Variants in ATP10D observed in about 807,000 individuals in gnomAD.
ATP10D encodes ATPase phospholipid transporting 10D (putative), also known as phospholipid-transporting ATPase VD.
Under a neutral mutation model 144.8 loss-of-function variants are expected in ATP10D, and 89 were observed. The ratio of observed to expected loss-of-function variants is 0.61; its 90% CI spans 0.52 to 0.73. The LOEUF (loss-of-function observed/expected upper bound fraction) is 0.73. Ranked by LOEUF, ATP10D falls within the 30% of genes least tolerant of loss-of-function variation. The pLI is 0.00. For synonymous variants in ATP10D, 571 were observed against 615.1 expected (o/e 0.93, Z 1.06); for missense variants, 1,603 against 1,714.8 (o/e 0.93, Z 1.15).
At chr4:47,571,228 T>C (rs1719932068) in intron 16 of ATP10D, among the ~76,000 whole-genome samples, 1 of 150,740 alleles carries the variant, frequency 6.6e-6, no homozygotes, top group Non-Finnish European at 1.5e-5. Context: ...AACTCCTGGA[T>C]TTATAATTAT....
At chr4:47,572,644 CGTGT>C (rs72171059) in intron 17 of ATP10D, among the ~76,000 whole-genome samples, 2,098 of 145,260 alleles carry the variant, frequency 0.014, 19 homozygotes, top group Middle Eastern at 0.021. Context: ...TTTGTGCGCA[CGTGT>C]GTGTGTGTGT....
chr4:47,583,580 A>G (rs1720635527), intron 21 of ATP10D, among the ~76,000 whole-genome samples: 1 of 152,212 alleles, frequency 6.6e-6, no homozygotes, highest in African/African-American at 2.4e-5. Context: ...TAGAACTGAA[A>G]TATTTGGGAT....
At chr4:47,575,578 C>T (rs1020355801) in intron 18 of ATP10D, among the ~76,000 whole-genome samples, 3 of 152,198 alleles carry the variant, frequency 2.0e-5, no homozygotes, top group Non-Finnish European at 4.4e-5. Flanking sequence ...GACATTTGTG[C>T]TGTGCCTACT....
chr4:47,528,968 T>C (rs1487703420), intron 5 of ATP10D, among the ~76,000 whole-genome samples: 1 of 152,090 alleles, frequency 6.6e-6, no homozygotes, highest in Non-Finnish European at 1.5e-5. Context: ...TTGAGAAATG[T>C]CTGTTGATGT....
intron 21 of ATP10D, among the ~76,000 whole-genome samples, chr4:47,582,544 G>A (rs957384606): frequency 2.6e-5 from 4 of 152,158 alleles, no homozygotes; most frequent in African/African-American, 4.8e-5. Context: ...ATGGTGCAGT[G>A]ATGCTGTACT....
chr4:47,529,093 C>T (rs920626162), intron 5 of ATP10D, among the ~76,000 whole-genome samples: 2 of 152,132 alleles, frequency 1.3e-5, no homozygotes, highest in African/African-American at 2.4e-5. Flanking sequence ...TGTACATTGT[C>T]TGTTTACTCT....
intron 1 of ATP10D, among the ~76,000 whole-genome samples, chr4:47,489,230 A>G (rs965069756): frequency 1.3e-5 from 2 of 152,178 alleles, no homozygotes; most frequent in African/African-American, 4.8e-5. Flanking sequence ...AAATTACCAC[A>G]TTTTCACACA....
intron 15 of ATP10D, 80 bp downstream of exon 15, chr4:47,563,845 TA>T (rs71951443): frequency 0.17 from 205,321 of 1,175,104 alleles, 18,392 homozygotes; most frequent in East Asian, 0.49. Flanking sequence ...ATGCAAGGAT[TA>T]AAAAAAAAAC....
Position 47,591,541 on chromosome 4 carries a change from T to A in ATP10D, c.*160T>A. 1.7e-6 allele frequency: 1 copy of A among 573,496 alleles called. No individual in the cohort carries two copies. Among genetic ancestry groups the A allele is most frequent in the Non-Finnish European group, 3.0e-6 (1 of 337,522 alleles). The allele number at this position is 573,496 out of a possible 1,614,324, so 35.5% of individuals were successfully genotyped here. ...ATGAGCATTATTGTATGTTTGTATA[T>A]ACATTTGTGATAGAGGGCTAGAGTT... On this transcript the variant is annotated 3_prime_UTR_variant, in exon 23 of 23. Transcript: ENST00000273859.
chr4:47,586,290 A>C (rs1002643169), intron 21 of ATP10D, among the ~76,000 whole-genome samples: 20 of 152,250 alleles, frequency 1.3e-4, no homozygotes, highest in African/African-American at 4.6e-4. Flanking sequence ...ATTGCAAGAT[A>C]TACATGAATA....
intron 1 of ATP10D, among the ~76,000 whole-genome samples, chr4:47,496,981 A>G (rs887672061): frequency 2.6e-5 from 4 of 152,004 alleles, no homozygotes; most frequent in African/African-American, 4.8e-5. Context: ...AGCTGTGATT[A>G]CAGTTGCCCG....
chr4:47,569,521 A>G (rs1048900553), intron 16 of ATP10D, among the ~76,000 whole-genome samples: 7 of 152,220 alleles, frequency 4.6e-5, no homozygotes, highest in African/African-American at 1.4e-4. Context: ...TATCCATTCC[A>G]CAAGTATTTA....
intron 10 of ATP10D, among the ~76,000 whole-genome samples, chr4:47,551,859 G>A (rs372345711): frequency 3.4e-4 from 52 of 152,324 alleles, no homozygotes; most frequent in African/African-American, 1.2e-3. Flanking sequence ...TATGGATACA[G>A]TCATGCAGAT....
chr4:47,588,114 A>G (rs1720873308), intron 22 of ATP10D, among the ~76,000 whole-genome samples: 1 of 152,174 alleles, frequency 6.6e-6, no homozygotes, highest in Non-Finnish European at 1.5e-5. Flanking sequence ...ACAATCTGTA[A>G]GCACTGAACA....
chr4:47,535,705 C>T (rs1577657739), intron 6 of ATP10D, 90 bp downstream of exon 6: 2 of 1,436,226 alleles, frequency 1.4e-6, no homozygotes, highest in East Asian at 4.7e-5. Context: ...TCTGTTGAAG[C>T]AGAAAGGAAA....
At chr4:47,566,983 A>AAATGATT (rs1719671410) in intron 15 of ATP10D, among the ~76,000 whole-genome samples, 1 of 152,206 alleles carries the variant, frequency 6.6e-6, no homozygotes, top group South Asian at 2.1e-4. Flanking sequence ...CATTTTAAAC[A>AAATGATT]GCAAAATCAC....
chr4:47,562,884 AG>A (rs1719398347), intron 14 of ATP10D, among the ~76,000 whole-genome samples: 1 of 152,142 alleles, frequency 6.6e-6, no homozygotes, highest in Non-Finnish European at 1.5e-5. Context: ...AATCCCACTC[AG>A]CCATAAAAAA....
At chr4:47,544,383 AT>A (rs1411414949) in intron 9 of ATP10D, among the ~76,000 whole-genome samples, 3 of 152,218 alleles carry the variant, frequency 2.0e-5, no homozygotes, top group African/African-American at 7.2e-5. Context: ...GATGTTCAGT[AT>A]TTATGTAAAT....
chr4:47,542,694 G>C (rs1370943828), intron 9 of ATP10D, among the ~76,000 whole-genome samples: 1 of 151,980 alleles, frequency 6.6e-6, no homozygotes, highest in South Asian at 2.1e-4. Context: ...GGCCAGGCTG[G>C]TCTCAAACTC....
Sources: allele counts gnomAD v4.1 joint callset (sites outside exome capture counted in the v4.1 genomes callset), GRCh38; gene constraint gnomAD v4.1.1; transcripts MANE v1.5; gene names NCBI Gene and HGNC (gene_info 2026-07-23, HGNC 2026-07-21).